The following TOP1 variants were observed in gnomAD, a reference collection of about 807,000 sequenced individuals.
The protein encoded by TOP1 is DNA topoisomerase I, also known as DNA topoisomerase 1.
A neutral mutation model predicts 111.1 loss-of-function variants in TOP1; 10 were observed. The ratio of observed to expected loss-of-function variants is 0.09; its 90% CI spans 0.06 to 0.15. The LOEUF (loss-of-function observed/expected upper bound fraction) is 0.15, where lower values mean the gene tolerates loss of function less well. TOP1 is among the 10% of genes least tolerant of loss of function. The pLI, the probability that TOP1 is intolerant of heterozygous loss-of-function variation, is 1.00. For missense variants in TOP1, 474 were observed against 926.7 expected (o/e 0.51, Z 6.34); for synonymous variants, 271 against 302.9 (o/e 0.89, Z 1.10).
intron 8 of TOP1, among the ~76,000 whole-genome samples, chr20:41,091,504 A>G (rs574922144): frequency 6.6e-6 from 1 of 151,382 alleles, no homozygotes; most frequent in Admixed American, 6.6e-5. Context: ...TCTGCAACCA[A>G]CTTTGAAAAT....
In TOP1 at chr20:41,029,328, C is replaced by T. The variant is rs576537348; in HGVS notation, c.34-103C>T. 1.4e-5 allele frequency: 15 copies of T among 1,100,254 alleles called. No homozygotes were observed. The highest frequency in any genetic ancestry group is 6.2e-5 in the Admixed American group (2 of 32,456). 68.2% of individuals were successfully genotyped at this position (1,100,254 alleles called of 1,614,324 possible). On this transcript the variant is annotated intron_variant, in intron 1 of 20. Coordinates refer to ENST00000361337, the MANE Select transcript of TOP1 (RefSeq NM_003286.4). This position sits in a 1 kb window ranked among gnomAD's most constrained non-coding sequence, Gnocchi z 6.1. ...TCTGTGGCCACCCCCGGGTCCCCGT[C>T]CTCCCCGGGGGCGCAGGGTGAGCCA...
intron 2 of TOP1, among the ~76,000 whole-genome samples, chr20:41,037,593 G>A (rs545372159): frequency 4.6e-5 from 7 of 152,276 alleles, no homozygotes; most frequent in South Asian, 2.1e-4. Flanking sequence ...ACCAAATGCC[G>A]TGTTAACAGT....
intron 2 of TOP1, among the ~76,000 whole-genome samples, chr20:41,042,783 CAATT>C (rs1324079169): frequency 1.3e-5 from 2 of 152,092 alleles, no homozygotes; most frequent in Admixed American, 1.3e-4. Flanking sequence ...CAGAAACAGT[CAATT>C]AACACACATT....
Position 41,046,981 on chromosome 20 carries a change from T to C in TOP1, c.59-14413T>C, listed in dbSNP as rs1225171635. On this transcript the variant is annotated intron_variant, in intron 2 of 20. Coordinates refer to ENST00000361337, the MANE Select transcript of TOP1 (RefSeq NM_003286.4). This position sits in a 1 kb window ranked among gnomAD's most constrained non-coding sequence, Gnocchi z 4.3. ...TCAAGTTGATTGGCCATTCATGAGC[T>C]GTGTGCAGGGAGAGAAGAGAGACGA... 6.6e-6 allele frequency among the ~76,000 whole-genome samples: 1 copy of C among 152,230 alleles called. No individual in the cohort carries two copies. Among genetic ancestry groups the C allele is most frequent in the East Asian group, 1.9e-4 (1 of 5,202 alleles).
At position 41,078,053 on chromosome 20, in the gene TOP1, C is replaced by T. The variant is rs764740469; in HGVS notation, c.335+416C>T. Among the ~76,000 whole-genome samples the T allele has an allele frequency of 1.3e-5, 2 of 148,724 alleles. No homozygotes were observed. Among genetic ancestry groups the T allele is most frequent in the Non-Finnish European group, 3.0e-5 (2 of 67,660 alleles). On this transcript the variant is annotated intron_variant, in intron 5 of 20. Transcript: ENST00000361337. The surrounding 1 kb of genome is among the most constrained non-coding windows in gnomAD (Gnocchi z 5.3). Reference sequence around the variant, plus strand: ...TAAAAAGAAACTTCATATTCAGTAGCGATTATGGAGTTTTCTGAAAAATCA... The same window carrying T: ...TAAAAAGAAACTTCATATTCAGTAGTGATTATGGAGTTTTCTGAAAAATCA...
At chr20:41,081,415 C>T (rs2033787114) in intron 7 of TOP1, among the ~76,000 whole-genome samples, 175 bp downstream of exon 7, 1 of 152,120 alleles carries the variant, frequency 6.6e-6, no homozygotes, top group South Asian at 2.1e-4. Context: ...CTCTGTGAAT[C>T]CCCACAGTGT....
Position 41,118,119 on chromosome 20 carries a change from C to G in TOP1, c.1823-50C>G. 6.3e-7 allele frequency: 1 copy of G among 1,592,628 alleles called. No homozygotes were observed. Among genetic ancestry groups the G allele is most frequent in the Non-Finnish European group, 8.6e-7 (1 of 1,165,576 alleles). ...TGGGGGAAGACATACTGTGTGTTCA[C>G]TTTTGGTGTACAAACTGACCCTCTT... On this transcript the variant is annotated intron_variant, in intron 17 of 20. Coordinates refer to ENST00000361337, the MANE Select transcript of TOP1 (RefSeq NM_003286.4). This position sits in a 1 kb window ranked among gnomAD's most constrained non-coding sequence, Gnocchi z 4.6.
intron 2 of TOP1, among the ~76,000 whole-genome samples, chr20:41,037,218 A>G (rs572407708): frequency 6.6e-6 from 1 of 152,324 alleles, no homozygotes; most frequent in East Asian, 1.9e-4. Flanking sequence ...CAGAAATGAA[A>G]GAAGTCTATT....
intron 2 of TOP1, among the ~76,000 whole-genome samples, chr20:41,055,134 T>A (rs558207199): frequency 2.6e-5 from 4 of 152,364 alleles, no homozygotes; most frequent in South Asian, 4.1e-4. Flanking sequence ...CTTCCTCCCA[T>A]GTCTTCATCT....
At chr20:41,113,045 G>A in intron 14 of TOP1, 120 bp downstream of exon 14, 1 of 1,066,086 alleles carries the variant, frequency 9.4e-7, no homozygotes, top group Non-Finnish European at 1.3e-6. Flanking sequence ...ATATTTGTAT[G>A]TAAAACTGAA....
intron 2 of TOP1, among the ~76,000 whole-genome samples, chr20:41,037,059 T>C (rs1470988555): frequency 2.0e-5 from 3 of 152,126 alleles, no homozygotes; most frequent in African/African-American, 4.8e-5. Flanking sequence ...CTCGATCTCC[T>C]GACCTCGTGA....
rs2033498383 is a variant in TOP1 at position 41,058,217 on chromosome 20, G to A, written c.59-3177G>A. ...TATGACACATGTGGCTTCTTTTGCTGTGAGCCAGTCATGGGATGAAGACAC... is the reference window on the plus strand; with the variant it reads ...TATGACACATGTGGCTTCTTTTGCTATGAGCCAGTCATGGGATGAAGACAC... On this transcript the variant is annotated intron_variant, in intron 2 of 20. Transcript: ENST00000361337. This position sits in a 1 kb window ranked among gnomAD's most constrained non-coding sequence, Gnocchi z 4.2. Among the ~76,000 whole-genome samples, 1 of 152,334 alleles carries A rather than the reference G, an allele frequency of 6.6e-6. No homozygotes were observed. Among genetic ancestry groups the A allele is most frequent in the South Asian group, 2.1e-4 (1 of 4,826 alleles).
intron 17 of TOP1, among the ~76,000 whole-genome samples, chr20:41,117,666 T>G (rs1053996031): frequency 3.9e-5 from 6 of 152,090 alleles, no homozygotes; most frequent in Non-Finnish European, 7.4e-5. Flanking sequence ...ATTACAGGTG[T>G]GAGCCACCGC....
chr20:41,044,113 CT>C (rs1282012562), intron 2 of TOP1, among the ~76,000 whole-genome samples: 1 of 152,002 alleles, frequency 6.6e-6, no homozygotes. Context: ...CCCATCTCTA[CT>C]AAAAATACAA....
At position 41,029,206 on chromosome 20, in the gene TOP1, G is replaced by A. The variant is rs2033082680; in HGVS notation, c.33+106G>A. On this transcript the variant is annotated intron_variant, in intron 1 of 20. Coordinates refer to ENST00000361337, the MANE Select transcript of TOP1 (RefSeq NM_003286.4). This position sits in a 1 kb window ranked among gnomAD's most constrained non-coding sequence, Gnocchi z 6.1. ...CCCGGCCCGGCAGCTTTGACAGGCC[G>A]GAGCCCCCGGTGAGGGGCCGCCTGC... 2 of 969,232 alleles carry A rather than the reference G, an allele frequency of 2.1e-6. No homozygotes were observed. The highest frequency in any genetic ancestry group is 1.4e-6 in the Non-Finnish European group (1 of 714,756). 60.0% of individuals were successfully genotyped at this position (969,232 alleles called of 1,614,324 possible). A position where few individuals can be genotyped will look rare whatever the true frequency, so the allele number is the denominator to read the frequency against.
Position 41,121,813 on chromosome 20 carries a change from G to C in TOP1, c.2045+23G>C. 5.0e-6 allele frequency: 8 copies of C among 1,608,732 alleles called. No homozygotes were observed. The highest frequency in any genetic ancestry group is 6.8e-6 in the Non-Finnish European group (8 of 1,175,054). On this transcript the variant is annotated intron_variant, in intron 19 of 20. Transcript: ENST00000361337. This position sits in a 1 kb window ranked among gnomAD's most constrained non-coding sequence, Gnocchi z 4.2. ...GAAGTATGTACCTGGTATTGTGAAA[G>C]TTGGGGCTGGTAGAGAAAAGTGTGC...
At chr20:41,056,763 T>C (rs1287241268) in intron 2 of TOP1, among the ~76,000 whole-genome samples, 1 of 152,198 alleles carries the variant, frequency 6.6e-6, no homozygotes, top group Non-Finnish European at 1.5e-5. Flanking sequence ...ATTGTAAACA[T>C]GAGCCACCGT....
intron 2 of TOP1, among the ~76,000 whole-genome samples, chr20:41,037,738 C>T (rs567377257): frequency 1.3e-5 from 2 of 152,152 alleles, no homozygotes; most frequent in South Asian, 4.1e-4. Flanking sequence ...GGAAGTGTTA[C>T]TTAAAGGAAA....
At chr20:41,066,627 T>C (rs567501879) in intron 3 of TOP1, among the ~76,000 whole-genome samples, 1 of 149,360 alleles carries the variant, frequency 6.7e-6, no homozygotes, top group African/African-American at 2.5e-5. Context: ...CAATCTCGGC[T>C]CACTGCATCC....
Sources: allele counts gnomAD v4.1 joint callset (sites outside exome capture counted in the v4.1 genomes callset), GRCh38; gene constraint gnomAD v4.1.1; non-coding constraint Gnocchi (gnomAD v3.1); transcripts MANE v1.5; gene names NCBI Gene and HGNC (gene_info 2026-07-23, HGNC 2026-07-21).